The following WRN variants were observed in gnomAD, a reference collection of about 807,000 sequenced individuals.
WRN encodes the protein bifunctional 3'-5' exonuclease/ATP-dependent helicase WRN.
A neutral mutation model predicts 180.7 loss-of-function variants in WRN; 149 were observed. The ratio of observed to expected loss-of-function variants is 0.82; its 90% confidence interval spans 0.72 to 0.94. The LOEUF (loss-of-function observed/expected upper bound fraction) is 0.94. WRN is among the 40% of genes least tolerant of loss of function. WRN has a pLI of 0.00. For missense variants in WRN, 1,661 were observed against 1,700.1 expected (o/e 0.98, Z 0.40); for synonymous variants, 548 against 568.9 (o/e 0.96, Z 0.52).
intron 19 of WRN, among the ~76,000 whole-genome samples, chr8:31,113,608 C>G (rs977010010): frequency 2.6e-5 from 4 of 152,094 alleles, no homozygotes; most frequent in African/African-American, 9.7e-5. Flanking sequence ...ATGGTACTTT[C>G]CCTTATAATA....
chr8:31,054,621 A>G lies in WRN; in HGVS notation c.-76-3751A>G, dbSNP rs541530591. ...AAAAATTGTAGATAGTGGTAGGTAGATAAGATTTCAGGAAAAGTCCAAAGC... is the reference window on the plus strand; with the variant it reads ...AAAAATTGTAGATAGTGGTAGGTAGGTAAGATTTCAGGAAAAGTCCAAAGC... On this transcript the variant is annotated intron_variant, in intron 1 of 34. Transcript: ENST00000298139. 5.3e-4 allele frequency among the ~76,000 whole-genome samples: 80 copies of G among 152,352 alleles called. 1 individual carries two copies. Among genetic ancestry groups the G allele is most frequent in the African/African-American group, 1.8e-3 (76 of 41,576 alleles).
chr8:31,085,562 A>G (rs998578905), intron 11 of WRN, among the ~76,000 whole-genome samples: 1 of 151,476 alleles, frequency 6.6e-6, no homozygotes, highest in Non-Finnish European at 1.5e-5. Flanking sequence ...CTTCACCTCC[A>G]GGGCTGAAGT....
intron 18 of WRN, among the ~76,000 whole-genome samples, chr8:31,105,165 C>G (rs577808883): frequency 2.0e-5 from 3 of 152,130 alleles, no homozygotes; most frequent in African/African-American, 4.8e-5. Flanking sequence ...GAAAATCAAA[C>G]CATGTGAATT....
chr8:31,172,621 A>G (rs1328918196), intron 34 of WRN, among the ~76,000 whole-genome samples: 2 of 152,190 alleles, frequency 1.3e-5, no homozygotes, highest in Non-Finnish European at 2.9e-5. Flanking sequence ...CTCTTTGTGT[A>G]TGTATACATG....
chr8:31,134,393 T>C (rs577547334), intron 24 of WRN, among the ~76,000 whole-genome samples: 1 of 152,328 alleles, frequency 6.6e-6, no homozygotes, highest in East Asian at 1.9e-4. Context: ...ACACAAGATT[T>C]TTCTGAATAG....
chr8:31,157,515 C>A lies in WRN; in HGVS notation c.3967C>A (p.Pro1323Thr). 6.2e-7 allele frequency: 1 copy of A among 1,614,084 alleles called. No individual in the cohort carries two copies. The change falls in exon 33 of 35, where the codon CCT (proline) becomes ACT (threonine). Residue 1323 changes from proline to threonine, a missense_variant. Pro to Thr is a conservative substitution (Grantham distance 38). Transcript: ENST00000298139. ...QKIIADVIRNPPVNSDMSKIS... is the reference protein window; with the variant it reads ...QKIIADVIRNTPVNSDMSKIS... ...GATTATTGCTGATGTTATCCGAAAC[C>A]CTCCCGTCAACTCAGGTGAGAGGCA...
At chr8:31,094,739 A>G (rs1813889689) in intron 16 of WRN, among the ~76,000 whole-genome samples, 1 of 152,134 alleles carries the variant, frequency 6.6e-6, no homozygotes, top group African/African-American at 2.4e-5. Flanking sequence ...TAACTTATAC[A>G]TTATATGGCC....
At chr8:31,132,243 T>C in intron 23 of WRN, 122 bp from the exon 24 acceptor site, 1 of 1,201,526 alleles carries the variant, frequency 8.3e-7, no homozygotes, top group South Asian at 1.5e-5. Flanking sequence ...TATTCATAGC[T>C]TCTGAAGCAG....
intron 6 of WRN, 122 bp from the exon 7 acceptor site, chr8:31,068,136 A>T (rs1812779309): frequency 1.4e-6 from 1 of 701,584 alleles, no homozygotes; most frequent in African/African-American, 1.8e-5. Flanking sequence ...GTCACATAAT[A>T]GGTTGAATTC....
intron 21 of WRN, among the ~76,000 whole-genome samples, chr8:31,123,531 T>C (rs1563364935): frequency 6.6e-6 from 1 of 152,070 alleles, no homozygotes; most frequent in African/African-American, 2.4e-5. Flanking sequence ...ATGACAAGAA[T>C]GTTTTTGAAT....
intron 1 of WRN, among the ~76,000 whole-genome samples, chr8:31,051,710 G>C (rs908291701): frequency 6.6e-6 from 1 of 152,176 alleles, no homozygotes; most frequent in Non-Finnish European, 1.5e-5. Flanking sequence ...CCTTCACCAA[G>C]AAGTTGCATA....
chr8:31,079,875 TTC>T (rs559131832), intron 8 of WRN, among the ~76,000 whole-genome samples: 70 of 151,316 alleles, frequency 4.6e-4, no homozygotes, highest in Non-Finnish European at 2.2e-4. Context: ...CATCAAAATT[TTC>T]TTTCTTTTTT....
At chr8:31,166,862 A>G (rs1380900635) in intron 33 of WRN, among the ~76,000 whole-genome samples, 160 bp from the exon 34 acceptor site, 1 of 152,096 alleles carries the variant, frequency 6.6e-6, no homozygotes, top group African/African-American at 2.4e-5. Flanking sequence ...TTTTTACTCC[A>G]TTTCCATTCC....
At chr8:31,146,140 C>T (rs1411402420) in intron 28 of WRN, among the ~76,000 whole-genome samples, 2 of 151,738 alleles carry the variant, frequency 1.3e-5, no homozygotes, top group Non-Finnish European at 2.9e-5. Context: ...CGTGTGCCTT[C>T]TTATTTCTGA....
intron 1 of WRN, among the ~76,000 whole-genome samples, chr8:31,038,930 T>G (rs1213100315): frequency 2.0e-5 from 3 of 152,190 alleles, no homozygotes; most frequent in Non-Finnish European, 4.4e-5. Context: ...TTCTATTGTA[T>G]TTATATTTCT....
chr8:31,166,598 T>C (rs1803872394), intron 33 of WRN, among the ~76,000 whole-genome samples: 1 of 152,188 alleles, frequency 6.6e-6, no homozygotes, highest in Admixed American at 6.5e-5. Context: ...TCTATTTAAA[T>C]AAATTATTTT....
chr8:31,142,509 T>C, intron 26 of WRN, 117 bp from the exon 27 acceptor site: 1 of 744,090 alleles, frequency 1.3e-6, no homozygotes, highest in Non-Finnish European at 2.0e-6. Flanking sequence ...GTTTTAAGAA[T>C]CACCAGTTCT....
At chr8:31,126,873 C>T (rs943647936) in intron 23 of WRN, among the ~76,000 whole-genome samples, 1 of 152,070 alleles carries the variant, frequency 6.6e-6, no homozygotes, top group Non-Finnish European at 1.5e-5. Flanking sequence ...CACAGAAGAC[C>T]AATACCAGGA....
rs71206302 is a variant in WRN, at chr8:31,131,160, C to CT, written c.2826-1196dup. Among the ~76,000 whole-genome samples, 8 of 106,840 alleles carry CT rather than the reference C, an allele frequency of 7.5e-5. 1 individual carries two copies. Among genetic ancestry groups the CT allele is most frequent in the Admixed American group, 2.4e-4 (2 of 8,484 alleles). 70.1% of individuals were successfully genotyped at this position (106,840 alleles called of 152,430 possible). A position where few individuals can be genotyped will look rare whatever the true frequency, so the allele number is the denominator to read the frequency against. On this transcript the variant is annotated intron_variant, in intron 23 of 34. Coordinates refer to ENST00000298139, the MANE Select transcript of WRN (RefSeq NM_000553.6). ...TGTGGTGGAACCAAATTGCAACTTT[C>CT]TTTTTTTTTGAGACAGAGTTTTGCT... is the stretch of plus-strand genomic sequence containing the variant.
Sources: allele counts gnomAD v4.1 joint callset (sites outside exome capture counted in the v4.1 genomes callset), GRCh38; gene constraint gnomAD v4.1.1; transcripts MANE v1.5; gene names NCBI Gene and HGNC (gene_info 2026-07-23, HGNC 2026-07-21).